Variants in PIK3C2G observed in about 807,000 individuals in gnomAD.
PIK3C2G encodes phosphatidylinositol-4-phosphate 3-kinase catalytic subunit type 2 gamma.
In PIK3C2G, 168 loss-of-function variants were observed where a neutral mutation model predicts 181.1. The observed-to-expected ratio is 0.93, with a 90% CI of 0.82 to 1.05. The LOEUF is 1.05. PIK3C2G is among the 50% of genes least tolerant of loss of function. The pLI is 0.00. For missense variants in PIK3C2G, 1,869 were observed against 1,732.8 expected, an observed-to-expected ratio of 1.08 and a Z score of -1.40; for synonymous variants, 573 against 592.2, an observed-to-expected ratio of 0.97 and a Z score of 0.47.
chr12:18,658,250 G>C, the PIK3C2G span, among the ~76,000 whole-genome samples: 1 of 152,026 alleles, frequency 6.6e-6, no homozygotes, highest in Non-Finnish European at 1.5e-5. Flanking sequence ...GAAGATAAGA[G>C]AGATAAAAAG....
chr12:18,424,328 T>C (rs943828275), intron 18 of PIK3C2G, among the ~76,000 whole-genome samples: 5 of 152,212 alleles, frequency 3.3e-5, no homozygotes, highest in African/African-American at 1.2e-4. Context: ...GTGCAATTTG[T>C]ATATCTACTC....
chr12:18,538,844 C>T (rs1944002481), intron 25 of PIK3C2G, among the ~76,000 whole-genome samples: 1 of 151,812 alleles, frequency 6.6e-6, no homozygotes, highest in African/African-American at 2.4e-5. Flanking sequence ...GAGTCATGGT[C>T]CTACACACTC....
chr12:18,654,715 G>C, the PIK3C2G span, among the ~76,000 whole-genome samples: 1 of 152,104 alleles, frequency 6.6e-6, no homozygotes. Flanking sequence ...ATCAGCTCTT[G>C]GTCTGATAAG....
intron 18 of PIK3C2G, among the ~76,000 whole-genome samples, chr12:18,436,375 T>C (rs1209855579): frequency 6.6e-6 from 1 of 152,092 alleles, no homozygotes; most frequent in Admixed American, 6.6e-5. Flanking sequence ...TGACTCAGCT[T>C]ACATGATTGG....
chr12:18,478,430 G>A (rs762458928), intron 18 of PIK3C2G, among the ~76,000 whole-genome samples: 17 of 152,122 alleles, frequency 1.1e-4, no homozygotes, highest in Non-Finnish European at 2.5e-4. Flanking sequence ...TGCAATCAGT[G>A]TATTGCTTTC....
intron 31 of PIK3C2G, among the ~76,000 whole-genome samples, chr12:18,637,193 C>T (rs193188915): frequency 1.3e-5 from 2 of 152,190 alleles, no homozygotes; most frequent in East Asian, 1.9e-4. Context: ...CACAGTTTTC[C>T]TCGTAAAAAC....
In PIK3C2G at chr12:18,338,514, A is replaced by C; in HGVS notation, c.1361A>C (p.Asn454Thr). The change falls in exon 9 of 33, where the codon AAT becomes ACT. Residue 454 changes from asparagine (N) to threonine (T), a missense_variant. Asn to Thr is a moderately conservative substitution (Grantham distance 65). Coordinates refer to ENST00000538779, the MANE Select transcript of PIK3C2G (RefSeq NM_001288772.2). ...ACCAAACAAATTACAGATGCAGTAAATGAACTAAGTCTAATTCTTCAGAGA... is the reference window on the plus strand; with the variant it reads ...ACCAAACAAATTACAGATGCAGTAACTGAACTAAGTCTAATTCTTCAGAGA... ...VETKQITDAV[N>T]ELSLILQRKG... is the part of the protein sequence containing the mutation. 1 of 1,592,304 alleles carries C rather than the reference A, an allele frequency of 6.3e-7. No homozygotes were observed. Among genetic ancestry groups the C allele is most frequent in the Non-Finnish European group, 8.6e-7 (1 of 1,160,500 alleles).
intron 5 of PIK3C2G, among the ~76,000 whole-genome samples, chr12:18,297,191 C>A (rs912250456): frequency 6.6e-6 from 1 of 152,078 alleles, no homozygotes; most frequent in Non-Finnish European, 1.5e-5. Flanking sequence ...ATTGTACCTT[C>A]ACCTATACTT....
At chr12:18,473,000 T>C (rs537325639) in intron 18 of PIK3C2G, among the ~76,000 whole-genome samples, 1 of 152,252 alleles carries the variant, frequency 6.6e-6, no homozygotes, top group Admixed American at 6.5e-5. Context: ...GCGCATGGCC[T>C]ATTTTGATGT....
chr12:18,366,928 A>T (rs1029597522), intron 12 of PIK3C2G, among the ~76,000 whole-genome samples: 1 of 152,136 alleles, frequency 6.6e-6, no homozygotes, highest in African/African-American at 2.4e-5. Context: ...ACTCCTTGGG[A>T]AGCACTTATT....
intron 1 of PIK3C2G, among the ~76,000 whole-genome samples, chr12:18,253,544 A>G (rs1396229586): frequency 1.3e-5 from 2 of 152,354 alleles, no homozygotes; most frequent in African/African-American, 4.8e-5. Context: ...TTGTTTAGAT[A>G]AAGACCAATG....
intron 2 of PIK3C2G, among the ~76,000 whole-genome samples, 174 bp from the exon 3 acceptor site, chr12:18,286,673 A>G (rs1284173550): frequency 6.6e-6 from 1 of 152,118 alleles, no homozygotes; most frequent in Non-Finnish European, 1.5e-5. Flanking sequence ...AACTCAAATT[A>G]TATACTTAAG....
chr12:18,615,862 A>G (rs1022776671), intron 31 of PIK3C2G, among the ~76,000 whole-genome samples: 1 of 152,094 alleles, frequency 6.6e-6, no homozygotes, highest in Non-Finnish European at 1.5e-5. Flanking sequence ...AAAAATTTTA[A>G]CAGAGTCTCT....
intron 31 of PIK3C2G, among the ~76,000 whole-genome samples, chr12:18,627,090 G>A (rs1949135420): frequency 6.7e-6 from 1 of 149,594 alleles, no homozygotes. Flanking sequence ...TTGCTCCTCT[G>A]CTTGGATAAT....
At chr12:18,319,732 TCTTA>T (rs1397112575) in intron 6 of PIK3C2G, among the ~76,000 whole-genome samples, 1 of 152,184 alleles carries the variant, frequency 6.6e-6, no homozygotes, top group Non-Finnish European at 1.5e-5. Context: ...ACAGTTCAAA[TCTTA>T]CTTATTTTTA....
At chr12:18,250,530 C>T (rs1948085841) in intron 1 of PIK3C2G, among the ~76,000 whole-genome samples, 1 of 152,002 alleles carries the variant, frequency 6.6e-6, no homozygotes, top group Non-Finnish European at 1.5e-5. Flanking sequence ...TAGTTAAAAA[C>T]GCAGGTTTGC....
downstream of PIK3C2G, among the ~76,000 whole-genome samples, chr12:18,653,014 C>G (rs1950584675): frequency 6.6e-6 from 1 of 151,934 alleles, no homozygotes; most frequent in African/African-American, 2.4e-5. Flanking sequence ...ACACAGTCAC[C>G]CCCTCAAACC....
intron 31 of PIK3C2G, among the ~76,000 whole-genome samples, chr12:18,631,307 A>C (rs1949340444): frequency 6.6e-6 from 1 of 152,174 alleles, no homozygotes; most frequent in South Asian, 2.1e-4. Flanking sequence ...GCTTACATCT[A>C]ATGCACTCCC....
intron 25 of PIK3C2G, among the ~76,000 whole-genome samples, chr12:18,543,166 CTTG>C (rs1944251460): frequency 6.6e-6 from 1 of 151,706 alleles, no homozygotes; most frequent in Non-Finnish European, 1.5e-5. Context: ...TTTTCATATG[CTTG>C]TTGGACACAT....
Sources: allele counts gnomAD v4.1 joint callset (sites outside exome capture counted in the v4.1 genomes callset), GRCh38; gene constraint gnomAD v4.1.1; transcripts MANE v1.5; gene names NCBI Gene and HGNC (gene_info 2026-07-23, HGNC 2026-07-21).